Variants in NHS observed in about 807,000 individuals in gnomAD.
NHS encodes NHS actin remodeling regulator.
NHS carries 5 observed loss-of-function variants against 72.5 expected under a neutral mutation model. That is an observed-to-expected ratio of 0.07 (90% CI 0.04 to 0.14). The LOEUF (loss-of-function observed/expected upper bound fraction) is 0.14, where lower values mean the gene tolerates loss of function less well. NHS is among the 10% of genes least tolerant of loss of function. The probability of loss-of-function intolerance (pLI) is 1.00; values close to 1 mark genes in which losing one functional copy is unlikely to be tolerated. For synonymous variants in NHS, 464 were observed against 547.7 expected (o/e 0.85, Z 2.13); for missense variants, 1,072 against 1,355.7 (o/e 0.79, Z 3.29).
At chrX:17,550,025 C>T (rs6632990) in intron 1 of NHS, among the ~76,000 whole-genome samples, 1 of 111,643 alleles carries the variant, frequency 9.0e-6, no homozygotes, top group East Asian at 2.8e-4. Context: ...ACTGTAGGGT[C>T]ATGATTTTTC....
chrX:17,401,785 G>A (rs1048520495), intron 1 of NHS, among the ~76,000 whole-genome samples: 1 of 111,514 alleles, frequency 9.0e-6, no homozygotes. Flanking sequence ...CTTATTATAA[G>A]GATAACAGTC....
chrX:17,613,396 C>T (rs1041425214), intron 1 of NHS, among the ~76,000 whole-genome samples: 12 of 111,509 alleles, frequency 1.1e-4, no homozygotes, highest in African/African-American at 2.6e-4. Context: ...AATGGCCATT[C>T]GTACTACAAG....
rs1176455254 is a variant in NHS, at chrX:17,732,315, C to T, written c.4807C>T (p.Arg1603Cys). 2 of 1,211,239 alleles carry T rather than the reference C, an allele frequency of 1.7e-6. No individual in the cohort carries two copies. Among genetic ancestry groups the T allele is most frequent in the Non-Finnish European group, 2.2e-6 (2 of 895,520 alleles). ...FATSASARVG[R>C]SRAPPAASSS... ...CACCTCAGCATCAGCAAGGGTTGGACGTTCTCGGGCCCCTCCTGCAGCCAG... is the reference window on the plus strand; with the variant it reads ...CACCTCAGCATCAGCAAGGGTTGGATGTTCTCGGGCCCCTCCTGCAGCCAG... Residue 1603 changes from arginine to cysteine, a missense_variant, in exon 9 of 9, where the codon CGT becomes TGT. By Grantham distance (180) the Arg-to-Cys change is radical (BLOSUM62 -3). Coordinates refer to ENST00000676302, the MANE Select transcript of NHS (RefSeq NM_001291867.2).
At chrX:17,385,759 T>C (rs1324466801) in intron 1 of NHS, among the ~76,000 whole-genome samples, 1 of 112,152 alleles carries the variant, frequency 8.9e-6, no homozygotes, top group Non-Finnish European at 1.9e-5. Context: ...TCCATATATA[T>C]ATTTGCTTAT....
At chrX:17,615,206 A>G (rs1365539607) in intron 1 of NHS, among the ~76,000 whole-genome samples, 1 of 91,881 alleles carries the variant, frequency 1.1e-5, no homozygotes, top group African/African-American at 4.8e-5. Context: ...ATATATACGT[A>G]TATATATACG....
intron 1 of NHS, among the ~76,000 whole-genome samples, chrX:17,658,087 T>C (rs919198566): frequency 3.5e-5 from 4 of 112,697 alleles, no homozygotes; most frequent in Non-Finnish European, 7.5e-5. Flanking sequence ...TTTGCAGTGA[T>C]TGCAGTGGAA....
chrX:17,417,337 G>GA (rs1352231619), intron 1 of NHS, among the ~76,000 whole-genome samples: 1 of 111,670 alleles, frequency 9.0e-6, no homozygotes, highest in Non-Finnish European at 1.9e-5. Flanking sequence ...TTTTTAAAAG[G>GA]TTTTTTAAAA....
intron 1 of NHS, among the ~76,000 whole-genome samples, chrX:17,665,629 GA>G (rs1415658504): frequency 9.0e-6 from 1 of 111,448 alleles, no homozygotes. Flanking sequence ...AGATTTTTCA[GA>G]GATGCCTGTC....
intron 1 of NHS, among the ~76,000 whole-genome samples, chrX:17,402,679 G>GTTTCT (rs905970067): frequency 7.2e-5 from 8 of 111,663 alleles, no homozygotes; most frequent in African/African-American, 2.6e-4. Flanking sequence ...TGAGTATGGA[G>GTTTCT]TTTCTTTTAG....
chrX:17,689,123 C>T (rs950478176), intron 2 of NHS, among the ~76,000 whole-genome samples: 3 of 112,133 alleles, frequency 2.7e-5, no homozygotes, highest in African/African-American at 9.7e-5. Flanking sequence ...TTATTTATTC[C>T]ACATTTGTAT....
At chrX:17,707,122 T>C (rs1246966766) in intron 3 of NHS, among the ~76,000 whole-genome samples, 2 of 111,615 alleles carry the variant, frequency 1.8e-5, no homozygotes, top group Non-Finnish European at 3.8e-5. Context: ...TCCTTAAATG[T>C]AGTGGGATGC....
At chrX:17,620,146 T>A (rs779682921) in intron 1 of NHS, among the ~76,000 whole-genome samples, 2 of 110,524 alleles carry the variant, frequency 1.8e-5, no homozygotes, top group African/African-American at 6.6e-5. Flanking sequence ...GCAGGCTGTA[T>A]TTTTTTTTCC....
intron 1 of NHS, among the ~76,000 whole-genome samples, chrX:17,501,475 C>G (rs1266231859): frequency 9.0e-6 from 1 of 111,519 alleles, no homozygotes; most frequent in Non-Finnish European, 1.9e-5. Flanking sequence ...TGGCTCACAC[C>G]TGTAGTCCCA....
At chrX:17,488,202 AT>A (rs2146914498) in intron 1 of NHS, among the ~76,000 whole-genome samples, 1 of 111,320 alleles carries the variant, frequency 9.0e-6, no homozygotes, top group Non-Finnish European at 1.9e-5. Flanking sequence ...AGAATGTTAC[AT>A]TTTATTTGGC....
chrX:17,549,609 G>A lies in NHS; in HGVS notation c.566-138133G>A, dbSNP rs578188331. On this transcript the variant is annotated intron_variant, in intron 1 of 8. Transcript: ENST00000676302. ...GTGAGGATGCGCTGACCACAGAAAA[G>A]CTCGTTTCTGTTTAGCAGAAGCGTG... Among the ~76,000 whole-genome samples, 338 of 111,894 alleles carry A rather than the reference G, an allele frequency of 3.0e-3. 1 individual carries two copies. The highest frequency in any genetic ancestry group is 0.01 in the African/African-American group (314 of 30,806).
chrX:17,494,314 A>C (rs186488543), intron 1 of NHS, among the ~76,000 whole-genome samples: 82 of 111,037 alleles, frequency 7.4e-4, no homozygotes, highest in African/African-American at 2.2e-3. Flanking sequence ...CCTGAGATCA[A>C]GTGATCCATC....
intron 3 of NHS, among the ~76,000 whole-genome samples, chrX:17,696,256 G>C (rs1478163982): frequency 4.5e-5 from 5 of 111,999 alleles, no homozygotes; most frequent in Non-Finnish European, 3.8e-5. Flanking sequence ...ATCAACTTCT[G>C]TCCACATGAA....
intron 1 of NHS, among the ~76,000 whole-genome samples, chrX:17,426,690 C>G (rs2064659091): frequency 8.9e-6 from 1 of 112,036 alleles, no homozygotes; most frequent in African/African-American, 3.2e-5. Flanking sequence ...CAGCTGAGCT[C>G]TCTCATTTTC....
intron 1 of NHS, among the ~76,000 whole-genome samples, chrX:17,613,839 C>G (rs752525436): frequency 3.6e-5 from 4 of 112,190 alleles, no homozygotes; most frequent in Non-Finnish European, 7.5e-5. Context: ...TAATGGTCAA[C>G]AAGATCATTC....
Sources: allele counts gnomAD v4.1 joint callset (sites outside exome capture counted in the v4.1 genomes callset), GRCh38; gene constraint gnomAD v4.1.1; transcripts MANE v1.5; gene names NCBI Gene and HGNC (gene_info 2026-07-23, HGNC 2026-07-21).